YLPM1: variants seen among roughly 807,000 people sequenced by gnomAD.
YLPM1 encodes YLP motif-containing protein 1.
Under a neutral mutation model 230.0 loss-of-function variants are expected in YLPM1, and 99 were observed. That is an observed-to-expected ratio of 0.43 (90% CI 0.37 to 0.51). The LOEUF (loss-of-function observed/expected upper bound fraction) is 0.51, where lower values mean the gene tolerates loss of function less well. YLPM1 is among the 20% of genes least tolerant of loss of function. YLPM1 has a pLI of 0.00. For synonymous variants in YLPM1, 984 were observed against 942.5 expected, an observed-to-expected ratio of 1.04 and a Z score of -0.81; for missense variants, 2,592 against 2,707.7, an observed-to-expected ratio of 0.96 and a Z score of 0.95.
In YLPM1 at chr14:74,799,086, T is replaced by C; in HGVS notation, c.3789T>C (p.Pro1263=). ...CTCATGATGGAGATAGGCGAGGCCC[T>C]TGGTGGGATGATTGGGAGAGAGACC... ...SRSHDGDRRG[P]WWDDWERDQD... Residue 1263 remains proline (P), a synonymous_variant, in exon 5 of 21, where the codon CCT becomes CCC. Transcript: ENST00000325680. The C allele has an allele frequency of 1.2e-6, 2 of 1,613,858 alleles. No homozygotes were observed. The highest frequency in any genetic ancestry group is 1.7e-6 in the Non-Finnish European group (2 of 1,179,854).
At chr14:74,799,823 A>G (rs970636106) in intron 5 of YLPM1, 126 bp downstream of exon 5, 2 of 1,377,658 alleles carry the variant, frequency 1.5e-6, no homozygotes, top group East Asian at 5.0e-5. Context: ...CTTTTAATTT[A>G]TATTTCTGGT....
chr14:74,833,077 C>CTG (rs2091620106), intron 19 of YLPM1, among the ~76,000 whole-genome samples: 1 of 148,862 alleles, frequency 6.7e-6, no homozygotes, highest in Non-Finnish European at 1.5e-5. Context: ...ACTGTGGCCA[C>CTG]TGAACAAAGA....
At chr14:74,800,728 T>C (rs1346442903) in intron 5 of YLPM1, among the ~76,000 whole-genome samples, 1 of 152,218 alleles carries the variant, frequency 6.6e-6, no homozygotes, top group African/African-American at 2.4e-5. Flanking sequence ...AAGAGGTTTA[T>C]TTTTTCCAGA....
chr14:74,812,700 C>G lies in YLPM1; in HGVS notation c.5420C>G (p.Ala1807Gly). 1 of 1,613,566 alleles carries G rather than the reference C, an allele frequency of 6.2e-7. No individual in the cohort carries two copies. Among genetic ancestry groups the G allele is most frequent in the African/African-American group, 1.3e-5 (1 of 75,036 alleles). ...TCACTGAGCCACCAGCCTCCTCCAGCTCCACGAGTCGAGAAGAAGCCTGAA... is the reference window on the plus strand; with the variant it reads ...TCACTGAGCCACCAGCCTCCTCCAGGTCCACGAGTCGAGAAGAAGCCTGAA... ...APSLSHQPPP[A>G]PRVEKKPESK... The change falls in exon 11 of 21, where the codon GCT (alanine) becomes GGT (glycine). Residue 1807 changes from alanine to glycine, a missense_variant. Physicochemically the swap from Ala to Gly is moderately conservative, Grantham distance 60. Transcript: ENST00000325680.
chr14:74,793,394 A>G (rs1023236771), intron 4 of YLPM1, among the ~76,000 whole-genome samples: 3 of 151,410 alleles, frequency 2.0e-5, no homozygotes, highest in African/African-American at 7.3e-5. Context: ...CTAGTCCTTT[A>G]TTGCATCTTT....
intron 4 of YLPM1, among the ~76,000 whole-genome samples, chr14:74,783,644 A>AT (rs1421662869): frequency 2.0e-5 from 3 of 152,038 alleles, no homozygotes; most frequent in Non-Finnish European, 4.4e-5. Flanking sequence ...CTACATCATC[A>AT]TTTTTTTCAA....
chr14:74,768,117 A>G (rs2090931847), intron 1 of YLPM1, among the ~76,000 whole-genome samples: 1 of 152,220 alleles, frequency 6.6e-6, no homozygotes, highest in African/African-American at 2.4e-5. Context: ...GAGTTATGTA[A>G]AGAAAAACTT....
At chr14:74,771,866 T>C (rs1310097775) in intron 1 of YLPM1, among the ~76,000 whole-genome samples, 1 of 152,100 alleles carries the variant, frequency 6.6e-6, no homozygotes, top group East Asian at 1.9e-4. Context: ...AAAATAAAAA[T>C]AGGTGGGGAC....
chr14:74,810,150 G>T, intron 8 of YLPM1, 75 bp from the exon 9 acceptor site: 2 of 1,536,746 alleles, frequency 1.3e-6, no homozygotes, highest in East Asian at 2.3e-5. Context: ...TACCAGCTCT[G>T]AAGTTAGATT....
rs752654535 is a variant in YLPM1 at position 74,782,081 on chromosome 14, G to T, written c.2038G>T (p.Ala680Ser). 4.3e-6 allele frequency: 7 copies of T among 1,613,794 alleles called. No individual in the cohort carries two copies. The highest frequency in any genetic ancestry group is 5.9e-6 in the Non-Finnish European group (7 of 1,179,886). Residue 680 changes from alanine (A) to serine (S), a missense_variant, in exon 4 of 21, where the codon GCC (alanine) becomes TCC (serine). Physicochemically the swap from Ala to Ser is moderately conservative, Grantham distance 99 (BLOSUM62 1). Around this residue, in one of 4 missense-constraint regions of YLPM1, gnomAD observed 1,862 missense variants for 1,819.8 expected, o/e 1.02. Transcript: ENST00000325680. ...TCCTACTCCTGTGTCTTTTGGTTCT[G>T]CCCCACCGACAACTTACCATCCTCC... is the stretch of plus-strand genomic sequence containing the variant. ...LLPTPVSFGS[A>S]PPTTYHPPLQ... is the part of the protein sequence containing the mutation.
At chr14:74,818,911 CTGTT>C (rs34759562) in intron 16 of YLPM1, among the ~76,000 whole-genome samples, 53,531 of 151,578 alleles carry the variant, frequency 0.35, 11,375 homozygotes, top group East Asian at 0.54. Flanking sequence ...TTGAATTTGT[CTGTT>C]TGTTTCCACA....
At chr14:74,817,420 A>G (rs1233896670) in intron 15 of YLPM1, 143 bp downstream of exon 15, 1 of 810,136 alleles carries the variant, frequency 1.2e-6, no homozygotes, top group African/African-American at 1.7e-5. Context: ...GATATGTTTA[A>G]GTACACAAAT....
At chr14:74,778,152 C>T (rs568797857) in intron 1 of YLPM1, among the ~76,000 whole-genome samples, 3 of 152,234 alleles carry the variant, frequency 2.0e-5, no homozygotes, top group East Asian at 1.9e-4. Flanking sequence ...TTACCCTGAT[C>T]ATTTATCAAA....
Position 74,798,167 on chromosome 14 carries a change from C to A in YLPM1, c.2870C>A (p.Thr957Asn), listed in dbSNP as rs1185115185. 3 of 1,613,972 alleles carry A rather than the reference C, an allele frequency of 1.9e-6. No individual in the cohort carries two copies. The highest frequency in any genetic ancestry group is 2.5e-6 in the Non-Finnish European group (3 of 1,179,888). The change falls in exon 5 of 21, where the codon ACT becomes AAT. Residue 957 changes from threonine to asparagine, a missense_variant. This residue lies in a region of YLPM1 where 1,862 missense variants were observed against 1,819.8 expected (regional missense o/e 1.02). Coordinates refer to ENST00000325680, the MANE Select transcript of YLPM1 (RefSeq NM_019589.3). The stretch of plus-strand genomic sequence containing the variant: ...AATAAGCCTGTACCTGCTCAATCTA[C>A]TTTTCCTTCAAAAACAGGGGGGATG... ...LANKPVPAQS[T>N]FPSKTGGMEG... is the part of the protein sequence containing the mutation.
In YLPM1 at chr14:74,781,803, C is replaced by T; in HGVS notation, c.1760C>T (p.Pro587Leu). Residue 587 changes from proline to leucine, a missense_variant, in exon 4 of 21, where the codon CCA (proline) becomes CTA (leucine). Around this residue, in one of 4 missense-constraint regions of YLPM1, gnomAD observed 1,862 missense variants for 1,819.8 expected, o/e 1.02. Coordinates refer to ENST00000325680, the MANE Select transcript of YLPM1 (RefSeq NM_019589.3). ...GMPPSLSSAGPPPVLPPPSLS... is the reference protein window; with the variant it reads ...GMPPSLSSAGLPPVLPPPSLS... ...CCTCCTTCTCTCTCTTCTGCAGGGC[C>T]ACCACCAGTTCTCCCCCCACCTTCC... 6.2e-7 allele frequency: 1 copy of T among 1,612,658 alleles called. No homozygotes were observed. Among genetic ancestry groups the T allele is most frequent in the Non-Finnish European group, 8.5e-7 (1 of 1,179,396 alleles).
In YLPM1 at chr14:74,836,676, A is replaced by G. The variant is rs192129063; in HGVS notation, c.*938A>G. On this transcript the variant is annotated 3_prime_UTR_variant, in exon 21 of 21. Transcript: ENST00000325680. ...TTGAATTGTGGATTTTTAAATGAAG[A>G]TTGCAGGGAAAGAGTATAAAGATGC... The G allele has an allele frequency of 2.0e-4, 30 of 152,694 alleles. No homozygotes were observed. Among genetic ancestry groups the G allele is most frequent in the African/African-American group, 6.7e-4 (28 of 41,542 alleles). 9.5% of individuals were successfully genotyped at this position (152,694 alleles called of 1,614,324 possible). A position where few individuals can be genotyped will look rare whatever the true frequency, so the allele number is the denominator to read the frequency against.
At position 74,835,897 on chromosome 14, in the gene YLPM1, T is replaced by C. The variant is rs1429851029; in HGVS notation, c.*159T>C. The C allele has an allele frequency of 3.9e-5, 18 of 456,244 alleles. No individual in the cohort carries two copies. Among genetic ancestry groups the C allele is most frequent in the Non-Finnish European group, 1.3e-5 (3 of 226,740 alleles). The allele number at this position is 456,244 out of a possible 1,614,324, so 28.3% of individuals were successfully genotyped here. On this transcript the variant is annotated 3_prime_UTR_variant, in exon 21 of 21. Coordinates refer to ENST00000325680, the MANE Select transcript of YLPM1 (RefSeq NM_019589.3). ...TTTAGTTTTTTTTAAAGTTCTCCAGTGTCCCCAAGAGGTATTAGAATCTTG... is the reference window on the plus strand; with the variant it reads ...TTTAGTTTTTTTTAAAGTTCTCCAGCGTCCCCAAGAGGTATTAGAATCTTG...
intron 4 of YLPM1, among the ~76,000 whole-genome samples, chr14:74,788,310 C>T (rs527283736): frequency 5.3e-5 from 8 of 152,012 alleles, no homozygotes; most frequent in Non-Finnish European, 1.2e-4. Context: ...TTAGTAGAGA[C>T]GGGGTTTCAC....
At chr14:74,774,237 G>A (rs2091008872) in intron 1 of YLPM1, among the ~76,000 whole-genome samples, 1 of 152,110 alleles carries the variant, frequency 6.6e-6, no homozygotes, top group Non-Finnish European at 1.5e-5. Context: ...ACACAGTAGA[G>A]TATTGGTTTT....
Sources: allele counts gnomAD v4.1 joint callset (sites outside exome capture counted in the v4.1 genomes callset), GRCh38; gene constraint gnomAD v4.1.1; regional missense constraint gnomAD v4.1.1; transcripts MANE v1.5; gene names NCBI Gene and HGNC (gene_info 2026-07-23, HGNC 2026-07-21).